SDK2: variants seen among roughly 807,000 people sequenced by gnomAD.
The protein encoded by SDK2 is sidekick cell adhesion molecule 2.
Under a neutral mutation model 253.9 loss-of-function variants are expected in SDK2, and 105 were observed. The observed-to-expected ratio is 0.41, with a 90% CI of 0.35 to 0.49. SDK2 has a LOEUF of 0.49. Ranked by LOEUF, SDK2 falls within the 20% of genes least tolerant of loss-of-function variation. SDK2 has a pLI of 0.06. For missense variants in SDK2, 2,608 were observed against 3,003.0 expected, an observed-to-expected ratio of 0.87 and a Z score of 3.07; for synonymous variants, 1,249 against 1,234.9, an observed-to-expected ratio of 1.01 and a Z score of -0.24.
chr17:73,560,284 G>A (rs1208355450), intron 1 of SDK2, among the ~76,000 whole-genome samples: 1 of 152,238 alleles, frequency 6.6e-6, no homozygotes. Context: ...CTGCAGGGCT[G>A]GAGCTGGGCT....
intron 12 of SDK2, among the ~76,000 whole-genome samples, chr17:73,424,298 GC>G (rs1275271304): frequency 6.6e-6 from 1 of 152,224 alleles, no homozygotes; most frequent in African/African-American, 2.4e-5. Flanking sequence ...CGGGGAGGGT[GC>G]AGGAGAGTGG....
At chr17:73,426,507 T>A (rs1228152013) in intron 12 of SDK2, among the ~76,000 whole-genome samples, 2 of 152,192 alleles carry the variant, frequency 1.3e-5, no homozygotes, top group Non-Finnish European at 2.9e-5. Flanking sequence ...GATCCCATAA[T>A]GTTGGACATC....
chr17:73,440,234 T>A (rs1312894328), intron 6 of SDK2, among the ~76,000 whole-genome samples: 1 of 151,666 alleles, frequency 6.6e-6, no homozygotes, highest in Non-Finnish European at 1.5e-5. Flanking sequence ...GCCTCCAGAG[T>A]AGGTGGGATG....
chr17:73,415,743 C>A, intron 17 of SDK2, 68 bp downstream of exon 17: 1 of 1,363,404 alleles, frequency 7.3e-7, no homozygotes, highest in Non-Finnish European at 1.0e-6. Flanking sequence ...CCCGTCTTGG[C>A]GTCCCAAAGT....
chr17:73,422,922 G>A (rs147729613), intron 14 of SDK2, among the ~76,000 whole-genome samples: 50 of 152,304 alleles, frequency 3.3e-4, no homozygotes, highest in Middle Eastern at 3.4e-3. Context: ...TTCGGAGGCT[G>A]AGACAGGAGA....
intron 1 of SDK2, among the ~76,000 whole-genome samples, chr17:73,542,384 G>T (rs1015073491): frequency 1.3e-5 from 2 of 152,224 alleles, no homozygotes; most frequent in African/African-American, 4.8e-5. Context: ...TACGTGCCTG[G>T]AGCGACCCTG....
Position 73,374,226 on chromosome 17 carries a change from T to G in SDK2, c.4980+4951A>C, listed in dbSNP as rs184519805. Among the ~76,000 whole-genome samples the G allele has an allele frequency of 3.5e-5, 5 of 144,778 alleles. 1 individual carries two copies. The Admixed American group carries it at 3.5e-4, about 10-fold the overall frequency. The allele number at this position is 144,778 out of a possible 152,430, so 95.0% of individuals were successfully genotyped here. A position where few individuals can be genotyped will look rare whatever the true frequency, so the allele number is the denominator to read the frequency against. ...TCAGTACCATCTATATGCCGAGGAC[T>G]CTATAATTCACATCTCTGGTTTGAT... On this transcript the variant is annotated intron_variant, in intron 36 of 44. Transcript: ENST00000392650.
intron 12 of SDK2, among the ~76,000 whole-genome samples, chr17:73,427,511 G>T (rs1446560728): frequency 6.6e-6 from 1 of 152,080 alleles, no homozygotes; most frequent in Non-Finnish European, 1.5e-5. Context: ...GTCCTTTACA[G>T]CAAAGATTGC....
Position 73,362,933 on chromosome 17 carries a change from G to A in SDK2, c.5306-1088C>T, listed in dbSNP as rs116758676. On this transcript the variant is annotated intron_variant, in intron 38 of 44. Transcript: ENST00000392650. ...CCAATAGGCTGGGCTCAGACCCAGT[G>A]ATGGCGCCGGCCCCGGCATGTCCCT... 5.4e-3 allele frequency among the ~76,000 whole-genome samples: 818 copies of A among 152,380 alleles called. 12 individuals carry two copies. Among genetic ancestry groups the A allele is most frequent in the African/African-American group, 0.019 (774 of 41,594 alleles).
At chr17:73,359,090 G>C (rs1389663235) in intron 39 of SDK2, among the ~76,000 whole-genome samples, 1 of 152,108 alleles carries the variant, frequency 6.6e-6, no homozygotes, top group East Asian at 1.9e-4. Context: ...CCAAAGGTGG[G>C]GCTCTGTACC....
At chr17:73,573,447 C>T (rs1282609395) in intron 1 of SDK2, among the ~76,000 whole-genome samples, 1 of 152,168 alleles carries the variant, frequency 6.6e-6, no homozygotes, top group Non-Finnish European at 1.5e-5. Context: ...AACCCAGTTC[C>T]CCAGAGGCTT....
chr17:73,346,211 G>GAA (rs966595517), intron 44 of SDK2, among the ~76,000 whole-genome samples: 10 of 112,002 alleles, frequency 8.9e-5, no homozygotes, highest in African/African-American at 9.8e-5. Flanking sequence ...TCCGTCTCAA[G>GAA]AAAAAAAAAA....
Position 73,368,455 on chromosome 17 carries a change from CA to C in SDK2, c.5118del (p.Asp1708MetfsTer28). On this transcript the variant is annotated frameshift_variant, in exon 37 of 45. Coordinates refer to ENST00000392650, the MANE Select transcript of SDK2 (RefSeq NM_001144952.2). LOFTEE classifies it high-confidence loss of function. The stretch of plus-strand genomic sequence containing the variant: ...GTGGGGGTGCTCCGAGGCCCATCCC[CA>C]GCGGCGTTGAAGGCGGCCACGCTGA... ...YMVSVAAFNAAGDGPRSTPTQ... is the reference protein window; with the variant it reads ...YMVSVAAFNAXGDGPRSTPTQ... 1 of 1,604,996 alleles carries C rather than the reference CA, an allele frequency of 6.2e-7. No individual in the cohort carries two copies. The highest frequency in any genetic ancestry group is 8.5e-7 in the Non-Finnish European group (1 of 1,176,072).
At chr17:73,624,451 G>A (rs528298247) in intron 1 of SDK2, among the ~76,000 whole-genome samples, 13 of 152,322 alleles carry the variant, frequency 8.5e-5, no homozygotes, top group African/African-American at 2.9e-4. Context: ...GCAGTGAGCC[G>A]AGATTGTGCC....
At chr17:73,421,171 G>A (rs1025704894) in intron 15 of SDK2, among the ~76,000 whole-genome samples, 10 of 152,282 alleles carry the variant, frequency 6.6e-5, no homozygotes, top group East Asian at 5.8e-4. Context: ...TGGTCCAAAC[G>A]TGGCATGGCA....
chr17:73,588,254 C>G (rs56389795), intron 1 of SDK2, among the ~76,000 whole-genome samples: 19,075 of 147,456 alleles, frequency 0.13, 1,357 homozygotes, highest in South Asian at 0.21. Context: ...GGGCCTGGGG[C>G]TGCATGCCTA....
chr17:73,394,063 G>A (rs991122845), intron 26 of SDK2, 146 bp downstream of exon 26: 14 of 520,174 alleles, frequency 2.7e-5, no homozygotes, highest in African/African-American at 1.5e-4. Context: ...GGTTGCCATG[G>A]TGACCATTGG....
chr17:73,346,999 T>C (rs972875556), intron 44 of SDK2, among the ~76,000 whole-genome samples: 1 of 152,158 alleles, frequency 6.6e-6, no homozygotes, highest in African/African-American at 2.4e-5. Flanking sequence ...TTGCAGATGC[T>C]GATTGGTAGC....
intron 14 of SDK2, among the ~76,000 whole-genome samples, chr17:73,422,792 C>T (rs760144365): frequency 6.6e-6 from 1 of 152,034 alleles, no homozygotes; most frequent in Admixed American, 6.6e-5. Flanking sequence ...GAGGCTGAGG[C>T]GGGCAGATCA....
Sources: allele counts gnomAD v4.1 joint callset (sites outside exome capture counted in the v4.1 genomes callset), GRCh38; gene constraint gnomAD v4.1.1; transcripts MANE v1.5; gene names NCBI Gene and HGNC (gene_info 2026-07-23, HGNC 2026-07-21).